RANBP2: variants seen among roughly 807,000 people sequenced by gnomAD.
RANBP2 encodes the protein E3 SUMO-protein ligase RanBP2.
A neutral mutation model predicts 303.6 loss-of-function variants in RANBP2; 57 were observed. That is an observed-to-expected ratio of 0.19 (90% confidence interval 0.15 to 0.23). RANBP2 has a LOEUF of 0.23. Among genes scored for constraint, RANBP2 ranks in the 10% least tolerant of loss-of-function variants. The pLI is 1.00. For synonymous variants in RANBP2, 1,167 were observed against 1,301.5 expected, an observed-to-expected ratio of 0.90 and a Z score of 2.23; for missense variants, 3,138 against 3,780.8, an observed-to-expected ratio of 0.83 and a Z score of 4.46.
At chr2:109,423,995 G>T in the RANBP2 span, among the ~76,000 whole-genome samples, 1 of 152,244 alleles carries the variant, frequency 6.6e-6, no homozygotes, top group African/African-American at 2.4e-5. Flanking sequence ...GGTCGGAGAC[G>T]TCTGGGCCGC....
At chr2:109,064,918 T>C in the RANBP2 span, among the ~76,000 whole-genome samples, 2 of 152,218 alleles carry the variant, frequency 1.3e-5, no homozygotes, top group African/African-American at 4.8e-5. Flanking sequence ...CTGGGAGGGA[T>C]AGCGCATGAG....
the RANBP2 span, chr2:109,667,044 G>A: frequency 1.8e-6 from 1 of 550,992 alleles, no homozygotes; most frequent in Non-Finnish European, 3.2e-6. Context: ...TTATGGAAAA[G>A]TCAATCCAGT....
chr2:109,245,388 A>G, the RANBP2 span, among the ~76,000 whole-genome samples: 2 of 152,082 alleles, frequency 1.3e-5, no homozygotes, highest in Admixed American at 1.3e-4. Flanking sequence ...TGGTGCTTTC[A>G]TGTAATTTTT....
chr2:108,819,905 A>G, the RANBP2 span, among the ~76,000 whole-genome samples: 1 of 152,232 alleles, frequency 6.6e-6, no homozygotes, highest in Admixed American at 6.5e-5. Context: ...TGTAACCGAT[A>G]ATTTAAAAAT....
chr2:108,774,841 G>A (rs925011186), intron 23 of RANBP2, among the ~76,000 whole-genome samples: 21 of 151,752 alleles, frequency 1.4e-4, no homozygotes, highest in African/African-American at 2.7e-4. Flanking sequence ...GAGTATCTGC[G>A]ATTATAGGCG....
At chr2:109,396,480 T>G in the RANBP2 span, among the ~76,000 whole-genome samples, 27 of 152,334 alleles carry the variant, frequency 1.8e-4, no homozygotes, top group African/African-American at 5.8e-4. Flanking sequence ...GCTCCTGTGA[T>G]CTGCTCGGCC....
At chr2:109,760,856 T>G in the RANBP2 span, among the ~76,000 whole-genome samples, 103 of 121,848 alleles carry the variant, frequency 8.5e-4, no homozygotes, top group Admixed American at 1.5e-3. Context: ...CTGGGCCGGG[T>G]GCTCCGGGCG....
At chr2:108,781,239 A>G (rs1427847103) in intron 25 of RANBP2, 30 bp from the exon 26 acceptor site, 1 of 1,610,108 alleles carries the variant, frequency 6.2e-7, no homozygotes, top group Non-Finnish European at 8.5e-7. Context: ...AATAGATACT[A>G]GTGTTTAAAT....
At chr2:109,436,927 A>G in the RANBP2 span, 4 of 1,613,664 alleles carry the variant, frequency 2.5e-6, no homozygotes, top group Non-Finnish European at 3.4e-6. Context: ...GCCCCGGAAT[A>G]ATGTAGTCGG....
At chr2:109,415,582 C>T in the RANBP2 span, among the ~76,000 whole-genome samples, 1 of 152,186 alleles carries the variant, frequency 6.6e-6, no homozygotes, top group African/African-American at 2.4e-5. Flanking sequence ...TGATGGGTTC[C>T]CTGCAAAGCT....
At chr2:109,695,852 C>T in the RANBP2 span, among the ~76,000 whole-genome samples, 6 of 152,046 alleles carry the variant, frequency 3.9e-5, no homozygotes, top group Admixed American at 3.9e-4. Context: ...TGTTGTTAGG[C>T]CACAGTTTTC....
the RANBP2 span, among the ~76,000 whole-genome samples, chr2:109,325,816 G>T: frequency 2.0e-5 from 3 of 152,222 alleles, no homozygotes; most frequent in Non-Finnish European, 2.9e-5. Flanking sequence ...GCAGGGCAAA[G>T]ATGCTGGCCC....
At chr2:109,179,001 TAATG>T in the RANBP2 span, among the ~76,000 whole-genome samples, 5,516 of 65,362 alleles carry the variant, frequency 0.084, 156 homozygotes, top group Non-Finnish European at 0.12. Context: ...TAAAGTATAA[TAATG>T]TGTGTGTGTG....
the RANBP2 span, among the ~76,000 whole-genome samples, chr2:109,571,534 T>G: frequency 2.6e-5 from 4 of 152,362 alleles, no homozygotes; most frequent in African/African-American, 7.2e-5. Context: ...ATGCTAAGTA[T>G]GTGTATATCT....
At chr2:109,296,090 C>G in the RANBP2 span, among the ~76,000 whole-genome samples, 1,840 of 152,188 alleles carry the variant, frequency 0.012, 54 homozygotes, top group African/African-American at 0.042. Flanking sequence ...GGTTGGCCCC[C>G]CAGAAGGCTG....
the RANBP2 span, chr2:109,667,295 G>A: frequency 1.5e-6 from 1 of 677,084 alleles, no homozygotes; most frequent in African/African-American, 1.8e-5. Context: ...ATGAAAGGAA[G>A]GTCCTGTGGC....
At chr2:109,132,404 C>A in the RANBP2 span, among the ~76,000 whole-genome samples, 4 of 152,156 alleles carry the variant, frequency 2.6e-5, no homozygotes, top group African/African-American at 4.8e-5. Flanking sequence ...TTCCTGAACT[C>A]TTTACCTGTT....
the RANBP2 span, among the ~76,000 whole-genome samples, chr2:109,584,466 CTCTG>C: frequency 2.8e-5 from 3 of 106,366 alleles, no homozygotes; most frequent in African/African-American, 1.3e-4. Flanking sequence ...CAGAGCGAGA[CTCTG>C]TCTCAAAAAA....
the RANBP2 span, among the ~76,000 whole-genome samples, chr2:108,891,940 G>A: frequency 6.6e-6 from 1 of 152,116 alleles, no homozygotes; most frequent in African/African-American, 2.4e-5. Flanking sequence ...CCAAGGTGGT[G>A]GATTGAATTG....
Sources: gnomAD v4.1 joint callset for allele counts (sites outside exome capture counted in the v4.1 genomes callset) on GRCh38, gnomAD v4.1.1 for gene constraint, MANE v1.5 for transcripts, NCBI Gene and HGNC (gene_info 2026-07-23, HGNC 2026-07-21) for gene names.